KCNG3: variants seen among roughly 807,000 people sequenced by gnomAD.
The protein encoded by KCNG3 is voltage-gated potassium channel regulatory subunit KCNG3.
Under a neutral mutation model 29.0 loss-of-function variants are expected in KCNG3, and 15 were observed. The ratio of observed to expected loss-of-function variants is 0.52; its 90% confidence interval spans 0.35 to 0.80. The LOEUF (loss-of-function observed/expected upper bound fraction) is 0.80. Ranked by LOEUF, KCNG3 falls within the 30% of genes least tolerant of loss-of-function variation. The pLI is 0.01. For synonymous variants in KCNG3, 322 were observed against 248.9 expected (o/e 1.29, Z -2.76); for missense variants, 512 against 605.7 (o/e 0.85, Z 1.62).
At chr2:42,439,848 G>A (rs190191085), downstream of KCNG3, among the ~76,000 whole-genome samples, 263 of 151,728 alleles carry the variant, frequency 1.7e-3, no homozygotes, top group African/African-American at 6.2e-3. Context: ...TCACCATGTT[G>A]GCCAGGCTGG....
At chr2:42,403,795 C>A in the KCNG3 span, among the ~76,000 whole-genome samples, 1 of 151,476 alleles carries the variant, frequency 6.6e-6, no homozygotes, top group Non-Finnish European at 1.5e-5. Context: ...GAGATGAGGT[C>A]TCACTATATT....
the KCNG3 span, among the ~76,000 whole-genome samples, chr2:42,432,934 TAA>T: frequency 0.32 from 42,631 of 132,642 alleles, 6,224 homozygotes; most frequent in East Asian, 0.58. Context: ...GCTTTTATGA[TAA>T]AAAAAAAAAA....
chr2:42,449,266 G>A (rs2103669188), intron 1 of KCNG3, among the ~76,000 whole-genome samples: 1 of 151,222 alleles, frequency 6.6e-6, no homozygotes, highest in East Asian at 1.9e-4. Flanking sequence ...AATGATTGGG[G>A]GAAAAAACAA....
chr2:42,467,667 C>CAAA (rs58517605), intron 1 of KCNG3, among the ~76,000 whole-genome samples: 1 of 120,496 alleles, frequency 8.3e-6, no homozygotes, highest in Non-Finnish European at 1.8e-5. Context: ...GACTCTGTTT[C>CAAA]AAAAAAAAAA....
At chr2:42,411,509 G>A in the KCNG3 span, among the ~76,000 whole-genome samples, 1 of 151,952 alleles carries the variant, frequency 6.6e-6, no homozygotes, top group Admixed American at 6.6e-5. Flanking sequence ...GAGAGAGAGA[G>A]CCTTACTCTG....
At chr2:42,484,002 C>T (rs1033852458) in intron 1 of KCNG3, among the ~76,000 whole-genome samples, 6 of 151,964 alleles carry the variant, frequency 3.9e-5, no homozygotes, top group African/African-American at 1.2e-4. Context: ...AGGCTGGTCT[C>T]GAACTCCTGA....
intron 1 of KCNG3, among the ~76,000 whole-genome samples, chr2:42,474,323 T>A (rs1016970998): frequency 6.6e-6 from 1 of 151,486 alleles, no homozygotes; most frequent in Non-Finnish European, 1.5e-5. Context: ...AGTTCAGGAG[T>A]TCGAGACCAG....
chr2:42,426,738 T>C, the KCNG3 span, among the ~76,000 whole-genome samples: 1 of 152,250 alleles, frequency 6.6e-6, no homozygotes, highest in Non-Finnish European at 1.5e-5. Context: ...TCATCTTCTT[T>C]CTTACATCCA....
At chr2:42,465,720 C>T (rs976164417) in intron 1 of KCNG3, among the ~76,000 whole-genome samples, 1 of 152,130 alleles carries the variant, frequency 6.6e-6, no homozygotes, top group African/African-American at 2.4e-5. Flanking sequence ...AAAATATTCA[C>T]AACACATTTA....
rs903280495 is a variant in KCNG3 at position 42,442,625 on chromosome 2, A to T, written c.*1309T>A. ...ACAAAATTACTGTGTACAACATTCA[A>T]TTTTTTATGAATCTGTCACTAATTA... On this transcript the variant is annotated 3_prime_UTR_variant, in exon 2 of 2. Transcript: ENST00000306078. 6.6e-6 allele frequency: 1 copy of T among 152,122 alleles called. No homozygotes were observed. The highest frequency in any genetic ancestry group is 2.1e-4 in the South Asian group (1 of 4,830). 9.4% of individuals were successfully genotyped at this position (152,122 alleles called of 1,614,324 possible). A position where few individuals can be genotyped will look rare whatever the true frequency, so the allele number is the denominator to read the frequency against.
intron 1 of KCNG3, chr2:42,463,025 C>T (rs1029870702): frequency 6.4e-6 from 1 of 155,572 alleles, no homozygotes; most frequent in East Asian, 1.9e-4. Context: ...GGAGGTCTAG[C>T]ATGAAATGTA....
intron 1 of KCNG3, among the ~76,000 whole-genome samples, chr2:42,482,790 A>T (rs563709865): frequency 6.6e-6 from 1 of 151,814 alleles, no homozygotes; most frequent in East Asian, 1.9e-4. Context: ...TATCCCAAAA[A>T]CCACTGCATT....
chr2:42,402,119 T>TTC, the KCNG3 span, among the ~76,000 whole-genome samples: 7 of 152,224 alleles, frequency 4.6e-5, no homozygotes, highest in South Asian at 1.5e-3. Context: ...AGAAACTGAA[T>TTC]AGAACACAAA....
At chr2:42,403,296 T>A in the KCNG3 span, among the ~76,000 whole-genome samples, 2 of 151,870 alleles carry the variant, frequency 1.3e-5, no homozygotes, top group Admixed American at 6.6e-5. Context: ...CACACATCAC[T>A]ACACCTGGCT....
chr2:42,397,088 T>C, the KCNG3 span, among the ~76,000 whole-genome samples: 1 of 151,926 alleles, frequency 6.6e-6, no homozygotes, highest in East Asian at 1.9e-4. Flanking sequence ...CTACTAAAAA[T>C]ACAAAACTTA....
chr2:42,440,329 C>A (rs1672444652), downstream of KCNG3: 1 of 152,174 alleles, frequency 6.6e-6, no homozygotes. Context: ...TGGAGTTACA[C>A]AGCTGAATAG....
At chr2:42,436,290 G>C in the KCNG3 span, among the ~76,000 whole-genome samples, 2 of 152,140 alleles carry the variant, frequency 1.3e-5, no homozygotes, top group Non-Finnish European at 2.9e-5. Flanking sequence ...AAATGTTCTG[G>C]AGTTAGATAG....
intron 1 of KCNG3, among the ~76,000 whole-genome samples, chr2:42,459,141 AG>A (rs1225758798): frequency 6.6e-6 from 1 of 151,432 alleles, no homozygotes; most frequent in African/African-American, 2.4e-5. Flanking sequence ...GGTTGCAGTG[AG>A]CCAAGATCGC....
At chr2:42,396,227 T>C in the KCNG3 span, among the ~76,000 whole-genome samples, 1 of 152,208 alleles carries the variant, frequency 6.6e-6, no homozygotes, top group African/African-American at 2.4e-5. Flanking sequence ...AAAAAAATCA[T>C]TAAGTTGAAC....
Sources: allele counts gnomAD v4.1 joint callset (sites outside exome capture counted in the v4.1 genomes callset), GRCh38; gene constraint gnomAD v4.1.1; transcripts MANE v1.5; gene names NCBI Gene and HGNC (gene_info 2026-07-23, HGNC 2026-07-21).